Variants in SULT4A1 observed in about 807,000 individuals in gnomAD.
SULT4A1 encodes the protein sulfotransferase 4A1.
Under a neutral mutation model 35.2 loss-of-function variants are expected in SULT4A1, and 11 were observed. The observed-to-expected ratio is 0.31, with a 90% CI of 0.20 to 0.52. The LOEUF is 0.52. Ranked by LOEUF, SULT4A1 falls within the 20% of genes least tolerant of loss-of-function variation. The pLI, the probability that SULT4A1 is intolerant of heterozygous loss-of-function variation, is 0.97. For synonymous variants in SULT4A1, 152 were observed against 151.8 expected, an observed-to-expected ratio of 1.00 and a Z score of -0.01; for missense variants, 271 against 383.7, an observed-to-expected ratio of 0.71 and a Z score of 2.45.
chr22:43,845,672 G>A (rs1303857651), intron 1 of SULT4A1, among the ~76,000 whole-genome samples: 2 of 152,174 alleles, frequency 1.3e-5, no homozygotes, highest in African/African-American at 4.8e-5. Flanking sequence ...CCACGGGTCT[G>A]TGGCCTGTTC....
At chr22:43,831,845 G>T (rs149010404) in intron 5 of SULT4A1, among the ~76,000 whole-genome samples, 149 of 152,364 alleles carry the variant, frequency 9.8e-4, no homozygotes, top group African/African-American at 3.6e-3. Context: ...TGGCTGCCCA[G>T]ATGTGACAGG....
rs150172622 is a variant in SULT4A1, at chr22:43,833,672, C to A, written c.571G>T (p.Val191Leu). The A allele has an allele frequency of 2.2e-5, 35 of 1,595,312 alleles. No homozygotes were observed. Among genetic ancestry groups the A allele is most frequent in the African/African-American group, 2.7e-5 (2 of 74,752 alleles). Residue 191 changes from valine (V) to leucine (L), a missense_variant, in exon 5 of 7, where the codon GTG becomes TTG. Coordinates refer to ENST00000330884, the MANE Select transcript of SULT4A1 (RefSeq NM_014351.4). Reference sequence around the variant, plus strand: ...ATGTCTTCATACTTGAGAAAAAGCACGTTCGAGTCCATGCGGTGCTCCCAG... The same window carrying A: ...ATGTCTTCATACTTGAGAAAAAGCAAGTTCGAGTCCATGCGGTGCTCCCAG... ...EFWEHRMDSN[V>L]LFLKYEDMHR...
intron 1 of SULT4A1, among the ~76,000 whole-genome samples, chr22:43,853,932 G>C (rs555074191): frequency 7.2e-5 from 11 of 152,288 alleles, no homozygotes; most frequent in African/African-American, 2.6e-4. Flanking sequence ...GTCAGGGAAG[G>C]CTTTTGTAAA....
intron 6 of SULT4A1, chr22:43,827,177 T>C: frequency 4.1e-6 from 4 of 985,434 alleles, no homozygotes; most frequent in Non-Finnish European, 4.8e-6. Context: ...CGTTTAGAAT[T>C]CTTTCCATTG....
Position 43,833,671 on chromosome 22 carries a change from A to G in SULT4A1, c.572T>C (p.Val191Ala). Residue 191 changes from valine to alanine, a missense_variant, in exon 5 of 7, where the codon GTG becomes GCG. Val to Ala is a moderately conservative substitution (Grantham distance 64). This residue lies in a region of SULT4A1 where 75 missense variants were observed against 67.7 expected (regional missense o/e 1.11). Coordinates refer to ENST00000330884, the MANE Select transcript of SULT4A1 (RefSeq NM_014351.4). Reference sequence around the variant, plus strand: ...CATGTCTTCATACTTGAGAAAAAGCACGTTCGAGTCCATGCGGTGCTCCCA... The same window carrying G: ...CATGTCTTCATACTTGAGAAAAAGCGCGTTCGAGTCCATGCGGTGCTCCCA... ...EFWEHRMDSN[V>A]LFLKYEDMHR... 1 of 1,595,734 alleles carries G rather than the reference A, an allele frequency of 6.3e-7. No individual in the cohort carries two copies. The highest frequency in any genetic ancestry group is 2.3e-5 in the East Asian group (1 of 44,342).
chr22:43,832,792 C>T (rs749178397), intron 5 of SULT4A1, among the ~76,000 whole-genome samples: 17 of 152,146 alleles, frequency 1.1e-4, no homozygotes, highest in Non-Finnish European at 1.8e-4. Flanking sequence ...CAAGGCTGGC[C>T]TTCCTACCCC....
intron 1 of SULT4A1, among the ~76,000 whole-genome samples, chr22:43,848,802 G>A (rs960142757): frequency 1.1e-4 from 16 of 152,342 alleles, no homozygotes; most frequent in African/African-American, 3.6e-4. Flanking sequence ...TGGGCAGCTG[G>A]AAGCCAGCCC....
Position 43,838,985 on chromosome 22 carries a change from A to G in SULT4A1, c.390T>C (p.Tyr130=), listed in dbSNP as rs1569503558. ...CCAGATCCTTGGGGTTGCGAGCCATATAGATGACCTGTGGGTGACAGGAGC... is the reference window on the plus strand; with the variant it reads ...CCAGATCCTTGGGGTTGCGAGCCATGTAGATGACCTGTGGGTGACAGGAGC... ...DLHNGDSKVI[Y]MARNPKDLVV... is the part of the protein sequence containing the mutation. Residue 130 remains tyrosine (Y), a synonymous_variant, in exon 4 of 7, where the codon TAT becomes TAC. Coordinates refer to ENST00000330884, the MANE Select transcript of SULT4A1 (RefSeq NM_014351.4). The G allele has an allele frequency of 6.2e-7, 1 of 1,614,060 alleles. No homozygotes were observed.
At chr22:43,839,617 C>A (rs1053911966) in intron 3 of SULT4A1, among the ~76,000 whole-genome samples, 2 of 152,096 alleles carry the variant, frequency 1.3e-5, no homozygotes, top group Non-Finnish European at 2.9e-5. Context: ...AACAAAAAAA[C>A]CCCACAGGCC....
At chr22:43,845,404 C>G (rs1433126205) in intron 1 of SULT4A1, among the ~76,000 whole-genome samples, 1 of 152,216 alleles carries the variant, frequency 6.6e-6, no homozygotes, top group Non-Finnish European at 1.5e-5. Flanking sequence ...CATCCGCAGC[C>G]CGTCTCAGCA....
At chr22:43,855,423 G>C (rs1439206225) in intron 1 of SULT4A1, among the ~76,000 whole-genome samples, 2 of 152,226 alleles carry the variant, frequency 1.3e-5, no homozygotes, top group African/African-American at 4.8e-5. Flanking sequence ...CCCTGCCGCT[G>C]GTGGGGTCAA....
chr22:43,858,334 T>C lies in SULT4A1; in HGVS notation c.169+3880A>G, dbSNP rs1603410354. Among the ~76,000 whole-genome samples the C allele has an allele frequency of 2.0e-5, 3 of 152,242 alleles. No homozygotes were observed. In the Middle Eastern group the frequency reaches 0.01, roughly 518 times the overall value. On this transcript the variant is annotated intron_variant, in intron 1 of 6. Transcript: ENST00000330884. ...CCCCATCTCCTTCTTCCTCCAGAAG[T>C]CATTCTGCAGGCTTTTGCCTCCCAG...
At chr22:43,840,140 T>G (rs2063413257) in intron 2 of SULT4A1, 115 bp from the exon 3 acceptor site, 5 of 727,204 alleles carry the variant, frequency 6.9e-6, no homozygotes, top group South Asian at 1.8e-5. Context: ...TCAGGGGAAG[T>G]GGAGTTATCA....
chr22:43,839,893 G>C (rs1334205270), intron 3 of SULT4A1, 52 bp downstream of exon 3: 1 of 1,531,908 alleles, frequency 6.5e-7, no homozygotes, highest in Non-Finnish European at 8.9e-7. Flanking sequence ...AGGGACCTTG[G>C]GCTCCTCTTG....
In SULT4A1 at chr22:43,838,994, C is replaced by G; in HGVS notation, c.382-1G>C. 6.2e-7 allele frequency: 1 copy of G among 1,613,976 alleles called. No homozygotes were observed. Among genetic ancestry groups the G allele is most frequent in the Non-Finnish European group, 8.5e-7 (1 of 1,179,866 alleles). On this transcript the variant is annotated splice_acceptor_variant, in intron 3 of 6. Transcript: ENST00000330884. LOFTEE classifies it high-confidence loss of function. ...TGGGGTTGCGAGCCATATAGATGAC[C>G]TGTGGGTGACAGGAGCAGGATGAGT...
chr22:43,841,076 C>T (rs963418096), intron 2 of SULT4A1, among the ~76,000 whole-genome samples: 6 of 152,366 alleles, frequency 3.9e-5, no homozygotes, highest in East Asian at 3.9e-4. Flanking sequence ...GTGCCTTGAA[C>T]GCGGTGGCCC....
rs2063412095 is a variant in SULT4A1 at position 43,840,041 on chromosome 22, G to A, written c.301-16C>T. 4 of 1,592,238 alleles carry A rather than the reference G, an allele frequency of 2.5e-6. No homozygotes were observed. The highest frequency in any genetic ancestry group is 1.1e-5 in the South Asian group (1 of 87,848). On this transcript the variant is annotated splice_polypyrimidine_tract_variant and intron_variant, in intron 2 of 6. Coordinates refer to ENST00000330884, the MANE Select transcript of SULT4A1 (RefSeq NM_014351.4). ...AGGTCAGTTCCTGCGTGGAGTCAGA[G>A]GGAGAGGCAGGTCAGAGGAAAGGGT...
At chr22:43,844,410 G>A (rs949508640) in intron 1 of SULT4A1, among the ~76,000 whole-genome samples, 1 of 152,138 alleles carries the variant, frequency 6.6e-6, no homozygotes, top group Non-Finnish European at 1.5e-5. Flanking sequence ...CTGCCCACAG[G>A]GCTAGAGACC....
At chr22:43,829,716 A>G (rs1307580632) in intron 5 of SULT4A1, among the ~76,000 whole-genome samples, 1 of 152,208 alleles carries the variant, frequency 6.6e-6, no homozygotes, top group Non-Finnish European at 1.5e-5. Context: ...CACGCCTGAC[A>G]GCGGAATGTC....
Sources: allele counts gnomAD v4.1 joint callset (sites outside exome capture counted in the v4.1 genomes callset), GRCh38; gene constraint gnomAD v4.1.1; regional missense constraint gnomAD v4.1.1; transcripts MANE v1.5; gene names NCBI Gene and HGNC (gene_info 2026-07-23, HGNC 2026-07-21).